Variants in ZC3H11A observed in about 807,000 individuals in gnomAD.
ZC3H11A encodes zinc finger CCCH domain-containing protein 11A.
ZC3H11A carries 22 observed loss-of-function variants against 90.8 expected under a neutral mutation model. The ratio of observed to expected loss-of-function variants is 0.24; its 90% CI spans 0.17 to 0.35. ZC3H11A has a LOEUF of 0.35. Among genes scored for constraint, ZC3H11A ranks in the 10% least tolerant of loss-of-function variants. The pLI, the probability that ZC3H11A is intolerant of heterozygous loss-of-function variation, is 1.00. For missense variants in ZC3H11A, 701 were observed against 964.9 expected, an observed-to-expected ratio of 0.73 and a Z score of 3.62; for synonymous variants, 294 against 339.8, an observed-to-expected ratio of 0.87 and a Z score of 1.48.
chr1:203,824,402 AAGG>A (rs1237316869), intron 4 of ZC3H11A, among the ~76,000 whole-genome samples: 9 of 152,192 alleles, frequency 5.9e-5, no homozygotes, highest in Admixed American at 5.9e-4. Context: ...CAGGGATGAG[AAGG>A]AGTCTTTTTA....
chr1:203,851,883 C>T (rs988789071), intron 17 of ZC3H11A, among the ~76,000 whole-genome samples: 9 of 144,018 alleles, frequency 6.2e-5, no homozygotes, highest in South Asian at 2.2e-4. Context: ...GCAAAATGAT[C>T]GCTTGAGCCC....
At chr1:203,844,842 T>C (rs1687453694) in intron 12 of ZC3H11A, among the ~76,000 whole-genome samples, 1 of 151,998 alleles carries the variant, frequency 6.6e-6, no homozygotes, top group African/African-American at 2.4e-5. Flanking sequence ...CTCCCTCCCC[T>C]TTTTCTGCTT....
At chr1:203,805,601 T>A (rs374791970) in intron 2 of ZC3H11A, 23 of 636,944 alleles carry the variant, frequency 3.6e-5, no homozygotes, top group East Asian at 3.3e-4. Context: ...TTTTACATGA[T>A]GTACTTAAAT....
chr1:203,843,982 C>T (rs377134162), intron 12 of ZC3H11A, among the ~76,000 whole-genome samples: 3 of 151,914 alleles, frequency 2.0e-5, no homozygotes, highest in South Asian at 2.1e-4. Flanking sequence ...CTCACCCTTC[C>T]GAGTAGCTGG....
At chr1:203,833,147 A>T (rs900834103) in intron 9 of ZC3H11A, among the ~76,000 whole-genome samples, 1 of 152,160 alleles carries the variant, frequency 6.6e-6, no homozygotes, top group African/African-American at 2.4e-5. Context: ...AGGCGGGCAG[A>T]TCACAAGGTC....
chr1:203,851,120 G>T lies in ZC3H11A; in HGVS notation c.2170G>T (p.Asp724Tyr). Residue 724 changes from aspartate (D) to tyrosine (Y), a missense_variant, in exon 17 of 18, where the codon GAC becomes TAC. By Grantham distance (160) the Asp-to-Tyr change is radical (BLOSUM62 -3). This residue lies in a region of ZC3H11A where 91 missense variants were observed against 86.8 expected (regional missense o/e 1.05). Transcript: ENST00000367210. ...VTVPEAENPR[D>Y]SLVLPPTQSS... ...TGTGCCTGAAGCAGAAAATCCTAGAGACAGGTAATACTTTGTAATTCTTTC... is the reference window on the plus strand; with the variant it reads ...TGTGCCTGAAGCAGAAAATCCTAGATACAGGTAATACTTTGTAATTCTTTC... 1.2e-6 allele frequency: 2 copies of T among 1,614,130 alleles called. No homozygotes were observed. The highest frequency in any genetic ancestry group is 1.3e-5 in the African/African-American group (1 of 75,042).
In ZC3H11A at chr1:203,830,550, C is replaced by G. The variant is rs552271084; in HGVS notation, c.700+347C>G. On this transcript the variant is annotated intron_variant, in intron 8 of 17. Coordinates refer to ENST00000367210, the MANE Select transcript of ZC3H11A (RefSeq NM_001376342.1). Reference sequence around the variant, plus strand: ...AGGAAAGGCTGGGCGTGGTGGCTCACGCCTGTAATCCCAGCACTTTGGGAG... The same window carrying G: ...AGGAAAGGCTGGGCGTGGTGGCTCAGGCCTGTAATCCCAGCACTTTGGGAG... 1.6e-3 allele frequency among the ~76,000 whole-genome samples: 251 copies of G among 152,294 alleles called. 1 individual carries two copies. The highest frequency in any genetic ancestry group is 2.7e-3 in the Admixed American group (42 of 15,302).
intron 11 of ZC3H11A, among the ~76,000 whole-genome samples, chr1:203,839,880 C>T (rs1480438591): frequency 6.6e-6 from 1 of 152,008 alleles, no homozygotes; most frequent in East Asian, 1.9e-4. Flanking sequence ...CTCAGCTCAC[C>T]CCAACCTCCA....
intron 2 of ZC3H11A, among the ~76,000 whole-genome samples, chr1:203,813,914 A>G (rs1675351898): frequency 6.6e-6 from 1 of 151,124 alleles, no homozygotes; most frequent in African/African-American, 2.4e-5. Flanking sequence ...TCACACACCT[A>G]ATCTCCAACA....
intron 11 of ZC3H11A, among the ~76,000 whole-genome samples, chr1:203,838,497 T>A (rs1323223794): frequency 6.6e-6 from 1 of 152,208 alleles, no homozygotes; most frequent in African/African-American, 2.4e-5. Context: ...GCAGAGAGAA[T>A]AACTCCTGCA....
intron 8 of ZC3H11A, among the ~76,000 whole-genome samples, chr1:203,831,100 A>G (rs1300868802): frequency 6.6e-6 from 1 of 151,484 alleles, no homozygotes; most frequent in Non-Finnish European, 1.5e-5. Context: ...ATGCGCCACC[A>G]CGCCTGGGTA....
chr1:203,798,819 T>A, intron 1 of ZC3H11A: 1 of 1,536,152 alleles, frequency 6.5e-7, no homozygotes, highest in Non-Finnish European at 8.7e-7. Flanking sequence ...AACCCCAGCC[T>A]TTCAGAGGTT....
At chr1:203,827,637 G>C (rs868233856) in intron 4 of ZC3H11A, among the ~76,000 whole-genome samples, 7 of 150,654 alleles carry the variant, frequency 4.6e-5, no homozygotes, top group African/African-American at 1.5e-4. Flanking sequence ...AGCGGAGATC[G>C]CGCCACTGCA....
At chr1:203,838,523 GTGGTA>G (rs1685076443) in intron 11 of ZC3H11A, among the ~76,000 whole-genome samples, 1 of 152,240 alleles carries the variant, frequency 6.6e-6, no homozygotes, top group South Asian at 2.1e-4. Context: ...AGAGCTAAGA[GTGGTA>G]TGCTCAAGGA....
At chr1:203,809,221 G>T (rs1296083928) in intron 2 of ZC3H11A, among the ~76,000 whole-genome samples, 1 of 133,140 alleles carries the variant, frequency 7.5e-6, no homozygotes, top group Admixed American at 8.5e-5. Flanking sequence ...TGTCTCCCAG[G>T]CTGGAGTGCA....
chr1:203,823,774 T>C (rs571305186), intron 4 of ZC3H11A, among the ~76,000 whole-genome samples: 1 of 152,360 alleles, frequency 6.6e-6, no homozygotes, highest in East Asian at 1.9e-4. Flanking sequence ...GAATTGCTTA[T>C]TGTAGCAATT....
At position 203,853,526 on chromosome 1, in the gene ZC3H11A, A is replaced by G. The variant is rs1238085285; in HGVS notation, c.*1127A>G. ...GTGAAGGAATAAGCATGATGGAAAT[A>G]ATAGTCTTGAAAGGAGATATGTTGT... On this transcript the variant is annotated 3_prime_UTR_variant, in exon 18 of 18. Coordinates refer to ENST00000367210, the MANE Select transcript of ZC3H11A (RefSeq NM_001376342.1). 6.6e-6 allele frequency: 1 copy of G among 152,596 alleles called. No homozygotes were observed. 9.5% of individuals were successfully genotyped at this position (152,596 alleles called of 1,614,324 possible).
chr1:203,838,139 T>G, intron 11 of ZC3H11A, 75 bp downstream of exon 11: 2 of 1,342,456 alleles, frequency 1.5e-6, no homozygotes, highest in Non-Finnish European at 2.1e-6. Flanking sequence ...ACAGCTATGG[T>G]TTTTCATTCT....
In ZC3H11A at chr1:203,810,772, G is replaced by C. The variant is rs561895022; in HGVS notation, c.-145-6154G>C. ...TCTGTTGAAACATTAGTAAGGGAGT[G>C]TTATCTACTCAGGATTCCATTTCTC... On this transcript the variant is annotated intron_variant, in intron 2 of 17. Coordinates refer to ENST00000367210, the MANE Select transcript of ZC3H11A (RefSeq NM_001376342.1). Among the ~76,000 whole-genome samples, 225 of 152,106 alleles carry C rather than the reference G, an allele frequency of 1.5e-3. 4 individuals are homozygous for C. The highest frequency in any genetic ancestry group is 4.9e-3 in the African/African-American group (202 of 41,506).
Sources: allele counts gnomAD v4.1 joint callset (sites outside exome capture counted in the v4.1 genomes callset), GRCh38; gene constraint gnomAD v4.1.1; regional missense constraint gnomAD v4.1.1; transcripts MANE v1.5; gene names NCBI Gene and HGNC (gene_info 2026-07-23, HGNC 2026-07-21).